Variants in C3orf52 observed in about 807,000 individuals in gnomAD.
The protein encoded by C3orf52 is chromosome 3 open reading frame 52.
C3orf52 carries 22 observed loss-of-function variants against 24.8 expected under a neutral mutation model. That is an observed-to-expected ratio of 0.89 (90% confidence interval 0.63 to 1.27). The LOEUF is 1.27. C3orf52 is among the 50% of genes most tolerant of loss of function. The pLI is 0.00. For synonymous variants in C3orf52, 93 were observed against 100.2 expected (o/e 0.93, Z 0.43); for missense variants, 265 against 260.7 (o/e 1.02, Z -0.11).
chr3:112,129,186 A>C (rs545389093), downstream of C3orf52: 4 of 152,364 alleles, frequency 2.6e-5, no homozygotes, highest in South Asian at 8.3e-4. Context: ...CATCGTAAGA[A>C]AACTACTGAA....
chr3:112,130,809 A>G (rs959484736), downstream of C3orf52: 1 of 414,788 alleles, frequency 2.4e-6, no homozygotes, highest in Admixed American at 3.5e-5. Context: ...GACCCTTGAG[A>G]GTATCCGTGT....
At chr3:112,127,432 T>C (rs750883024) in intron 4 of C3orf52, among the ~76,000 whole-genome samples, 1 of 150,190 alleles carries the variant, frequency 6.7e-6, no homozygotes, top group African/African-American at 2.4e-5. Flanking sequence ...AACAAACAAA[T>C]AAACACACTC....
At chr3:112,102,300 A>G (rs1261590338) in intron 2 of C3orf52, among the ~76,000 whole-genome samples, 1 of 152,144 alleles carries the variant, frequency 6.6e-6, no homozygotes, top group Non-Finnish European at 1.5e-5. Context: ...CCTGTCCTTC[A>G]TCACTCATTG....
downstream of C3orf52, among the ~76,000 whole-genome samples, chr3:112,131,412 G>A (rs537310132): frequency 6.6e-5 from 10 of 152,282 alleles, no homozygotes; most frequent in South Asian, 1.0e-3. Flanking sequence ...TGATAACTGG[G>A]TGTTGGGGTG....
At chr3:112,104,006 G>C (rs189241271) in intron 3 of C3orf52, among the ~76,000 whole-genome samples, 67 of 152,348 alleles carry the variant, frequency 4.4e-4, no homozygotes, top group African/African-American at 1.4e-3. Flanking sequence ...AGATCAGTTA[G>C]AAGGTGTTAC....
intron 2 of C3orf52, among the ~76,000 whole-genome samples, chr3:112,094,471 CT>C (rs1461336350): frequency 2.0e-5 from 3 of 152,102 alleles, no homozygotes; most frequent in African/African-American, 7.2e-5. Flanking sequence ...TAAAACCCAT[CT>C]GTAATATTAA....
intron 3 of C3orf52, among the ~76,000 whole-genome samples, chr3:112,103,542 A>T (rs917706181): frequency 1.3e-5 from 2 of 152,200 alleles, no homozygotes; most frequent in Non-Finnish European, 2.9e-5. Flanking sequence ...GCTAGACAGC[A>T]TGCCAAGTGC....
chr3:112,088,206 T>A (rs890554012), intron 1 of C3orf52, among the ~76,000 whole-genome samples: 1 of 152,152 alleles, frequency 6.6e-6, no homozygotes, highest in African/African-American at 2.4e-5. Context: ...GTACTTGGAG[T>A]GTGTTCAAGG....
chr3:112,127,416 AAAAC>A (rs57359752), intron 4 of C3orf52, among the ~76,000 whole-genome samples: 44,690 of 151,782 alleles, frequency 0.29, 6,970 homozygotes, highest in East Asian at 0.41. Flanking sequence ...TATGATCTCC[AAAAC>A]AAACAAACAA....
chr3:112,125,345 G>A, intron 4 of C3orf52: 2 of 877,282 alleles, frequency 2.3e-6, no homozygotes, highest in Non-Finnish European at 3.8e-6. Context: ...TAACTAAAAA[G>A]CCAAGAAACA....
chr3:112,099,776 A>C (rs941186913), intron 2 of C3orf52, among the ~76,000 whole-genome samples: 7 of 152,100 alleles, frequency 4.6e-5, no homozygotes, highest in Non-Finnish European at 8.8e-5. Flanking sequence ...CTTCTTTCTC[A>C]TATCTAGATA....
chr3:112,091,959 G>A (rs909920529), intron 1 of C3orf52, among the ~76,000 whole-genome samples: 2 of 151,748 alleles, frequency 1.3e-5, no homozygotes, highest in Non-Finnish European at 2.9e-5. Context: ...AGCGGAGATC[G>A]TGCTGCTGCA....
chr3:112,087,818 AC>A (rs1559968476), intron 1 of C3orf52, among the ~76,000 whole-genome samples: 1 of 152,142 alleles, frequency 6.6e-6, no homozygotes, highest in African/African-American at 2.4e-5. Flanking sequence ...GATTAGATGG[AC>A]CCGCACACCC....
intron 4 of C3orf52, chr3:112,125,369 T>G: frequency 9.7e-6 from 7 of 723,880 alleles, no homozygotes; most frequent in Non-Finnish European, 1.7e-5. Context: ...GGGGTAGCTC[T>G]TCTCAGGCTA....
At position 112,109,546 on chromosome 3, in the gene C3orf52, A is replaced by G. The variant is rs768546198; in HGVS notation, c.400A>G (p.Thr134Ala). 5 of 1,590,970 alleles carry G rather than the reference A, an allele frequency of 3.1e-6. No individual in the cohort carries two copies. In the South Asian group the frequency reaches 4.5e-5, roughly 14 times the overall value. ...TAATTTGCTTCTGTTTGTTTAGCTC[A>G]CAGATGTGTACAGTACATCGCCCTC... The part of the protein sequence containing the change: ...ELPHLLTERL[T>A]DVYSTSPSLG... Residue 134 changes from threonine to alanine, a missense_variant, in exon 4 of 6, where the codon ACA (threonine) becomes GCA (alanine). Transcript: ENST00000264848.
At chr3:112,134,507 A>C (rs964537442), downstream of C3orf52, 5 of 152,158 alleles carry the variant, frequency 3.3e-5, no homozygotes, top group Non-Finnish European at 7.4e-5. Flanking sequence ...TGGCCAAGTA[A>C]GTAGGCCACA....
chr3:112,099,363 A>G (rs2073952622), intron 2 of C3orf52, among the ~76,000 whole-genome samples: 2 of 152,024 alleles, frequency 1.3e-5, no homozygotes, highest in African/African-American at 4.8e-5. Flanking sequence ...CTTCATCCCA[A>G]TTTGTTCATC....
intron 1 of C3orf52, among the ~76,000 whole-genome samples, chr3:112,091,199 A>T (rs1202734165): frequency 6.6e-6 from 1 of 152,202 alleles, no homozygotes; most frequent in Non-Finnish European, 1.5e-5. Flanking sequence ...AATTTCTGGG[A>T]GGCCTCTACA....
chr3:112,114,237 T>C (rs1326918554), intron 5 of C3orf52, among the ~76,000 whole-genome samples: 1 of 152,096 alleles, frequency 6.6e-6, no homozygotes, highest in Non-Finnish European at 1.5e-5. Flanking sequence ...CAGAACGTTA[T>C]GTAAAACAGT....
Sources: allele counts gnomAD v4.1 joint callset (sites outside exome capture counted in the v4.1 genomes callset), GRCh38; gene constraint gnomAD v4.1.1; transcripts MANE v1.5; gene names NCBI Gene and HGNC (gene_info 2026-07-23, HGNC 2026-07-21).